Variants in MACROD2 observed in about 807,000 individuals in gnomAD.
MACROD2 encodes the protein ADP-ribose glycohydrolase MACROD2.
A neutral mutation model predicts 70.4 loss-of-function variants in MACROD2; 36 were observed. The observed-to-expected ratio is 0.51, with a 90% CI of 0.39 to 0.68. The LOEUF (loss-of-function observed/expected upper bound fraction) is 0.68, where lower values mean the gene tolerates loss of function less well. MACROD2 is among the 30% of genes least tolerant of loss of function. The pLI is 0.00. For missense variants in MACROD2, 496 were observed against 538.4 expected (o/e 0.92, Z 0.78); for synonymous variants, 172 against 178.8 (o/e 0.96, Z 0.30).
chr20:15,970,702 C>T (rs1023496354), intron 13 of MACROD2, among the ~76,000 whole-genome samples: 7 of 152,084 alleles, frequency 4.6e-5, no homozygotes, highest in Non-Finnish European at 8.8e-5. Flanking sequence ...GCTCCACAAA[C>T]GGAATGCTCA....
chr20:14,198,304 C>T (rs2081450391), intron 3 of MACROD2, among the ~76,000 whole-genome samples: 1 of 152,130 alleles, frequency 6.6e-6, no homozygotes, highest in Non-Finnish European at 1.5e-5. Flanking sequence ...TCTTTGTATA[C>T]ACATTTTATA....
At chr20:14,246,356 C>A (rs1292831389) in intron 3 of MACROD2, among the ~76,000 whole-genome samples, 1 of 152,116 alleles carries the variant, frequency 6.6e-6, no homozygotes, top group Non-Finnish European at 1.5e-5. Context: ...AGTATTAGAT[C>A]AGGATAATAC....
At chr20:15,253,875 A>C (rs1326649301) in intron 6 of MACROD2, among the ~76,000 whole-genome samples, 1 of 152,168 alleles carries the variant, frequency 6.6e-6, no homozygotes, top group Admixed American at 6.6e-5. Context: ...GATTTCAAAA[A>C]TTATTTTTTA....
intron 6 of MACROD2, among the ~76,000 whole-genome samples, chr20:15,410,698 A>C (rs181420817): frequency 6.6e-6 from 1 of 152,124 alleles, no homozygotes; most frequent in Admixed American, 6.5e-5. Flanking sequence ...AAGTAGCCAC[A>C]AAATAGTCAT....
intron 5 of MACROD2, among the ~76,000 whole-genome samples, chr20:15,168,312 T>TTAA (rs1225315564): frequency 6.6e-6 from 1 of 152,106 alleles, no homozygotes. Flanking sequence ...CCTCTTGATT[T>TTAA]TAATACATAT....
intron 3 of MACROD2, among the ~76,000 whole-genome samples, chr20:14,260,575 T>C (rs145174933): frequency 2.4e-4 from 36 of 152,250 alleles, no homozygotes; most frequent in Non-Finnish European, 4.7e-4. Context: ...AATGCTGGGA[T>C]TACAGGCATG....
chr20:15,550,501 G>A (rs913318562), intron 8 of MACROD2, among the ~76,000 whole-genome samples: 3 of 152,054 alleles, frequency 2.0e-5, no homozygotes, highest in African/African-American at 4.8e-5. Context: ...TTAAAAGTTT[G>A]ATTCCGTTAC....
At chr20:15,927,380 G>A (rs2065506691) in intron 10 of MACROD2, among the ~76,000 whole-genome samples, 1 of 152,116 alleles carries the variant, frequency 6.6e-6, no homozygotes, top group Admixed American at 6.5e-5. Flanking sequence ...GTGAGCAGAG[G>A]TCTCAGGAAT....
chr20:15,955,686 A>G (rs1262598643), intron 12 of MACROD2, among the ~76,000 whole-genome samples: 5 of 152,224 alleles, frequency 3.3e-5, no homozygotes, highest in Admixed American at 1.3e-4. Flanking sequence ...TGAGAACTAC[A>G]TATTAGTAGT....
chr20:15,347,933 A>G (rs557385656), intron 6 of MACROD2, among the ~76,000 whole-genome samples: 9 of 152,348 alleles, frequency 5.9e-5, no homozygotes, highest in East Asian at 1.9e-4. Context: ...AACCTTGTAG[A>G]TGGCACCCTG....
chr20:15,928,705 T>C (rs1223805555), intron 10 of MACROD2, among the ~76,000 whole-genome samples: 3 of 152,238 alleles, frequency 2.0e-5, no homozygotes, highest in African/African-American at 7.2e-5. Flanking sequence ...ACATATGCAA[T>C]ATTCAATAAG....
intron 8 of MACROD2, among the ~76,000 whole-genome samples, chr20:15,676,063 A>T (rs774487120): frequency 6.6e-6 from 1 of 152,182 alleles, no homozygotes; most frequent in African/African-American, 2.4e-5. Flanking sequence ...GCTGCTTTTC[A>T]TTTTATTTCC....
chr20:14,648,218 A>T (rs1985496956), intron 4 of MACROD2, among the ~76,000 whole-genome samples: 1 of 152,208 alleles, frequency 6.6e-6, no homozygotes. Context: ...TAAAGATCAG[A>T]ATGCTTTCTC....
intron 3 of MACROD2, among the ~76,000 whole-genome samples, chr20:14,437,540 G>A (rs1211383750): frequency 6.6e-6 from 1 of 152,112 alleles, no homozygotes; most frequent in Non-Finnish European, 1.5e-5. Flanking sequence ...GTTGCAGTGA[G>A]TCAAGATCAT....
In MACROD2 at chr20:14,938,940, A is replaced by ATTTT. The variant is rs1230863391; in HGVS notation, c.418+254000_418+254003dup. On this transcript the variant is annotated intron_variant, in intron 5 of 17. Coordinates refer to ENST00000684519, the MANE Select transcript of MACROD2 (RefSeq NM_001351661.2). ...GATATTTTTTTCATTGTTAAATCAG[A>ATTTT]TTTTTTTTTTTTTTTTTTTTTTACT... Among the ~76,000 whole-genome samples the ATTTT allele has an allele frequency of 1.3e-3, 116 of 86,456 alleles. 4 individuals are homozygous for ATTTT. The highest frequency in any genetic ancestry group is 4.3e-3 in the African/African-American group (102 of 23,836). 56.7% of individuals were successfully genotyped at this position (86,456 alleles called of 152,430 possible).
chr20:14,310,762 A>C (rs1278150599), intron 3 of MACROD2, among the ~76,000 whole-genome samples: 1 of 152,190 alleles, frequency 6.6e-6, no homozygotes, highest in African/African-American at 2.4e-5. Flanking sequence ...AGGTGGAAGA[A>C]AATGATATTG....
intron 5 of MACROD2, among the ~76,000 whole-genome samples, chr20:14,730,889 C>T (rs1287560019): frequency 6.6e-6 from 1 of 151,668 alleles, no homozygotes; most frequent in African/African-American, 2.4e-5. Flanking sequence ...ATTCAGATTA[C>T]ATTTAAACAT....
At chr20:14,739,267 T>G (rs138857968) in intron 5 of MACROD2, among the ~76,000 whole-genome samples, 70 of 152,088 alleles carry the variant, frequency 4.6e-4, no homozygotes, top group Non-Finnish European at 8.0e-4. Context: ...AAAAATCTCT[T>G]TAAGTACTGA....
At chr20:14,998,322 G>T (rs769065354) in intron 5 of MACROD2, among the ~76,000 whole-genome samples, 1 of 152,150 alleles carries the variant, frequency 6.6e-6, no homozygotes, top group Non-Finnish European at 1.5e-5. Flanking sequence ...TGACCTTTCA[G>T]ATGGAGAATT....
Sources: allele counts gnomAD v4.1 joint callset (sites outside exome capture counted in the v4.1 genomes callset), GRCh38; gene constraint gnomAD v4.1.1; transcripts MANE v1.5; gene names NCBI Gene and HGNC (gene_info 2026-07-23, HGNC 2026-07-21).